The following SRGAP2 variants were observed in gnomAD, a reference collection of about 807,000 sequenced individuals.
SRGAP2 encodes SLIT-ROBO Rho GTPase activating protein 2, also known as SLIT-ROBO Rho GTPase-activating protein 2.
In SRGAP2, 15 loss-of-function variants were observed where a neutral mutation model predicts 57.2. That is an observed-to-expected ratio of 0.26 (90% CI 0.18 to 0.40). SRGAP2 has a LOEUF of 0.40. Among genes scored for constraint, SRGAP2 ranks in the 10% least tolerant of loss-of-function variants. The probability of loss-of-function intolerance (pLI) is 1.00; values close to 1 mark genes in which losing one functional copy is unlikely to be tolerated. For missense variants in SRGAP2, 520 were observed against 669.6 expected, an observed-to-expected ratio of 0.78 and a Z score of 2.47; for synonymous variants, 249 against 248.0, an observed-to-expected ratio of 1.00 and a Z score of -0.04.
At position 206,395,144 on chromosome 1, in the gene SRGAP2, TA is replaced by T. The variant is rs201114633; in HGVS notation, c.831+1472del. ...CTGTTATATCACCACCTGGGTCATC[TA>T]GGCTTGTCACTGAATTGTTCTGAAA... On this transcript the variant is annotated intron_variant, in intron 7 of 22. Coordinates refer to ENST00000573034, the MANE Select transcript of SRGAP2 (RefSeq NM_015326.5). Among the ~76,000 whole-genome samples the T allele has an allele frequency of 6.0e-3, 905 of 151,736 alleles. 4 individuals carry two copies. The highest frequency in any genetic ancestry group is 9.8e-3 in the Non-Finnish European group (665 of 67,984).
chr1:206,262,360 G>T (rs1669609638), intron 2 of SRGAP2, among the ~76,000 whole-genome samples: 1 of 147,564 alleles, frequency 6.8e-6, no homozygotes, highest in Non-Finnish European at 1.5e-5. Flanking sequence ...GCCCTCAATA[G>T]GTGGTAGCTG....
chr1:206,234,741 T>A (rs1166017625), intron 2 of SRGAP2, among the ~76,000 whole-genome samples: 54 of 152,118 alleles, frequency 3.5e-4, no homozygotes, highest in African/African-American at 1.3e-3. Context: ...GAGCTGCTCA[T>A]GTCTGCAAAG....
chr1:206,412,489 A>G (rs558220827), intron 10 of SRGAP2, among the ~76,000 whole-genome samples: 2 of 152,252 alleles, frequency 1.3e-5, no homozygotes, highest in East Asian at 3.9e-4. Flanking sequence ...ATTGAGGAAA[A>G]CCCCAGGTAG....
chr1:206,296,054 C>T (rs1244267408), intron 2 of SRGAP2, among the ~76,000 whole-genome samples: 7 of 146,352 alleles, frequency 4.8e-5, no homozygotes, highest in East Asian at 2.1e-4. Context: ...GTGTTTTAAG[C>T]GAAAATTGAA....
intron 2 of SRGAP2, among the ~76,000 whole-genome samples, chr1:206,215,026 G>A (rs1553303117): frequency 6.9e-6 from 1 of 145,942 alleles, no homozygotes; most frequent in East Asian, 2.0e-4. Flanking sequence ...ATGTAGGAAT[G>A]TTTTGAAGTT....
At chr1:206,393,007 T>C in intron 6 of SRGAP2, 103 bp downstream of exon 6, 1 of 714,806 alleles carries the variant, frequency 1.4e-6, no homozygotes, top group South Asian at 1.5e-5. Flanking sequence ...ACGAGGAAGC[T>C]CTGGGTTCTT....
In SRGAP2 at chr1:206,462,625, G is replaced by A. The variant is rs1291180575; in HGVS notation, c.*1205G>A. The A allele has an allele frequency of 3.3e-5, 5 of 152,178 alleles. No homozygotes were observed. Among genetic ancestry groups the A allele is most frequent in the African/African-American group, 1.2e-4 (5 of 41,436 alleles). 9.4% of individuals were successfully genotyped at this position (152,178 alleles called of 1,614,324 possible). A position where few individuals can be genotyped will look rare whatever the true frequency, so the allele number is the denominator to read the frequency against. ...TAGAGAGCCTTAGTTAGATTAAAGG[G>A]AGACCCTACCTCTTAAAACCAGTTT... is the stretch of plus-strand genomic sequence containing the variant. On this transcript the variant is annotated 3_prime_UTR_variant, in exon 23 of 23. Transcript: ENST00000573034.
chr1:206,420,848 A>G (rs1660239749), intron 12 of SRGAP2, among the ~76,000 whole-genome samples: 1 of 152,238 alleles, frequency 6.6e-6, no homozygotes. Context: ...CTAGAGAAAC[A>G]AAACAAAAAG....
At chr1:206,389,539 T>C (rs1331631017) in intron 5 of SRGAP2, among the ~76,000 whole-genome samples, 1 of 151,892 alleles carries the variant, frequency 6.6e-6, no homozygotes, top group East Asian at 1.9e-4. Flanking sequence ...CTGCTACTTA[T>C]TTCTCTTCGG....
rs1663640848 is a variant in SRGAP2 at position 206,454,458 on chromosome 1, T to C, written c.2361-420T>C. 2.1e-6 allele frequency: 1 copy of C among 482,604 alleles called. No homozygotes were observed. Among genetic ancestry groups the C allele is most frequent in the Non-Finnish European group, 3.7e-6 (1 of 271,912 alleles). The allele number at this position is 482,604 out of a possible 1,614,324, so 29.9% of individuals were successfully genotyped here. On this transcript the variant is annotated intron_variant, in intron 20 of 22. Coordinates refer to ENST00000573034, the MANE Select transcript of SRGAP2 (RefSeq NM_015326.5). This position sits in a 1 kb window ranked among gnomAD's most constrained non-coding sequence, Gnocchi z 4.3. ...GGTGTCCTGCCACGACGCCGCCGTC[T>C]CCAGAGCCACCACACAGTTGACTGT...
chr1:206,422,824 C>CGTA (rs1487278945), intron 13 of SRGAP2, among the ~76,000 whole-genome samples: 1 of 152,208 alleles, frequency 6.6e-6, no homozygotes, highest in Non-Finnish European at 1.5e-5. Context: ...GCTAGATTTG[C>CGTA]GTAGGAGTTA....
chr1:206,423,897 C>G (rs1323205004), intron 13 of SRGAP2, among the ~76,000 whole-genome samples: 1 of 151,496 alleles, frequency 6.6e-6, no homozygotes, highest in Non-Finnish European at 1.5e-5. Flanking sequence ...ACCATAGCCT[C>G]CTGAGTAGCT....
intron 17 of SRGAP2, among the ~76,000 whole-genome samples, chr1:206,442,557 A>T (rs1662402414): frequency 6.6e-6 from 1 of 152,214 alleles, no homozygotes; most frequent in African/African-American, 2.4e-5. Context: ...GCATCCATGC[A>T]GGGTTGCTGC....
Position 206,454,372 on chromosome 1 carries a change from G to A in SRGAP2, c.2361-506G>A, listed in dbSNP as rs1168792803. ...CCAGAGGGGCCAGGAGAGCAGTGGA[G>A]AGACCTGGGACCGGCTTGGATGCTC... On this transcript the variant is annotated intron_variant, in intron 20 of 22. Coordinates refer to ENST00000573034, the MANE Select transcript of SRGAP2 (RefSeq NM_015326.5). This position sits in a 1 kb window ranked among gnomAD's most constrained non-coding sequence, Gnocchi z 4.3. The A allele has an allele frequency of 2.2e-5, 13 of 604,258 alleles. No individual in the cohort carries two copies. In the East Asian group the frequency reaches 3.6e-4, roughly 17 times the overall value. The allele number at this position is 604,258 out of a possible 1,614,324, so 37.4% of individuals were successfully genotyped here.
At chr1:206,435,210 C>T (rs1392894990) in intron 14 of SRGAP2, among the ~76,000 whole-genome samples, 1 of 152,200 alleles carries the variant, frequency 6.6e-6, no homozygotes, top group African/African-American at 2.4e-5. Context: ...TTCAAAATAT[C>T]AGTCCCGGCC....
rs781834965 is a variant in SRGAP2 at position 206,393,628 on chromosome 1, A to G, written c.786A>G (p.Ala262=). 2 of 750,802 alleles carry G rather than the reference A, an allele frequency of 2.7e-6. No homozygotes were observed. The highest frequency in any genetic ancestry group is 3.5e-5 in the African/African-American group (2 of 57,248). The allele number at this position is 750,802 out of a possible 1,614,324, so 46.5% of individuals were successfully genotyped here. A position where few individuals can be genotyped will look rare whatever the true frequency, so the allele number is the denominator to read the frequency against. The change falls in exon 7 of 23, where the codon GCA becomes GCG. Residue 262 remains alanine (A), a synonymous_variant. Coordinates refer to ENST00000573034, the MANE Select transcript of SRGAP2 (RefSeq NM_015326.5). ...EYLLALEATN[A]SVFKYYIHDL... ...TGCTGGCTTTGGAGGCAACCAATGCATCTGTCTTCAAGTACTACATCCATG... is the reference window on the plus strand; with the variant it reads ...TGCTGGCTTTGGAGGCAACCAATGCGTCTGTCTTCAAGTACTACATCCATG...
intron 10 of SRGAP2, among the ~76,000 whole-genome samples, chr1:206,411,820 CTTCTGCTTTCA>C (rs1553359749): frequency 2.0e-5 from 3 of 152,198 alleles, no homozygotes; most frequent in Non-Finnish European, 4.4e-5. Context: ...GGCCCAAAAC[CTTCTGCTTTCA>C]TTCTGCTTTT....
rs368576741 is a variant in SRGAP2, at chr1:206,335,607, G to A, written c.261-7239G>A. 1.6e-4 allele frequency among the ~76,000 whole-genome samples: 25 copies of A among 152,220 alleles called. 1 individual carries two copies. Among genetic ancestry groups the A allele is most frequent in the African/African-American group, 5.5e-4 (23 of 41,528 alleles). ...CCTGTTATTCCTAGAATAGTGGCTA[G>A]CCCATAATAGGAGGCTCAATTAATA... On this transcript the variant is annotated intron_variant, in intron 3 of 22. Coordinates refer to ENST00000573034, the MANE Select transcript of SRGAP2 (RefSeq NM_015326.5).
chr1:206,363,892 A>G (rs1553341099), intron 4 of SRGAP2, among the ~76,000 whole-genome samples: 1 of 152,224 alleles, frequency 6.6e-6, no homozygotes, highest in East Asian at 1.9e-4. Context: ...AGTGTAATAA[A>G]TGTCTTGTGA....
Sources: gnomAD v4.1 joint callset for allele counts (sites outside exome capture counted in the v4.1 genomes callset) on GRCh38, gnomAD v4.1.1 for gene constraint, Gnocchi (gnomAD v3.1) non-coding constraint, MANE v1.5 for transcripts, NCBI Gene and HGNC (gene_info 2026-07-23, HGNC 2026-07-21) for gene names.